Variants in PIP5K1C observed in about 807,000 individuals in gnomAD.
The protein encoded by PIP5K1C is phosphatidylinositol-4-phosphate 5-kinase type 1 gamma, also known as phosphatidylinositol 4-phosphate 5-kinase type-1 gamma.
PIP5K1C carries 45 observed loss-of-function variants against 80.1 expected under a neutral mutation model. That is an observed-to-expected ratio of 0.56 (90% CI 0.44 to 0.72). The LOEUF is 0.72. Among genes scored for constraint, PIP5K1C ranks in the 30% least tolerant of loss-of-function variants. The probability of loss-of-function intolerance (pLI) is 0.00; values close to 1 mark genes in which losing one functional copy is unlikely to be tolerated. For missense variants in PIP5K1C, 753 were observed against 954.6 expected, an observed-to-expected ratio of 0.79 and a Z score of 2.78; for synonymous variants, 498 against 420.1, an observed-to-expected ratio of 1.19 and a Z score of -2.27.
chr19:3,659,278 C>T (rs984686591), intron 5 of PIP5K1C, among the ~76,000 whole-genome samples: 2 of 152,344 alleles, frequency 1.3e-5, no homozygotes, highest in South Asian at 2.1e-4. Flanking sequence ...GCCGCCTGCT[C>T]AGCACCGGAG....
chr19:3,663,922 G>GT (rs1298044198), intron 3 of PIP5K1C, among the ~76,000 whole-genome samples: 2 of 152,134 alleles, frequency 1.3e-5, no homozygotes, highest in Non-Finnish European at 2.9e-5. Flanking sequence ...TCACACACAC[G>GT]TGTCCTCAGC....
intron 5 of PIP5K1C, among the ~76,000 whole-genome samples, chr19:3,658,139 C>T (rs767620115): frequency 1.1e-4 from 17 of 152,242 alleles, no homozygotes; most frequent in Admixed American, 3.3e-4. Flanking sequence ...TCACCACCCC[C>T]GCCCTGCACT....
chr19:3,658,204 A>G (rs1410116239), intron 5 of PIP5K1C, among the ~76,000 whole-genome samples: 1 of 152,226 alleles, frequency 6.6e-6, no homozygotes, highest in Admixed American at 6.5e-5. Flanking sequence ...CACGTCGGTC[A>G]ACACAGGCTG....
At position 3,700,446 on chromosome 19, in the gene PIP5K1C, G is replaced by T; in HGVS notation, c.-56C>A. On this transcript the variant is annotated 5_prime_UTR_variant, in exon 1 of 18. Coordinates refer to ENST00000335312, the MANE Select transcript of PIP5K1C (RefSeq NM_012398.3). ...GAGGGGGACCCGAGCTGCGACCGCC[G>T]CCGCCGAACAACAAGCGCCGCCGGC... 1 of 955,676 alleles carries T rather than the reference G, an allele frequency of 1.0e-6. No homozygotes were observed. The highest frequency in any genetic ancestry group is 1.3e-6 in the Non-Finnish European group (1 of 793,506). The allele number at this position is 955,676 out of a possible 1,614,324, so 59.2% of individuals were successfully genotyped here. A position where few individuals can be genotyped will look rare whatever the true frequency, so the allele number is the denominator to read the frequency against.
Position 3,700,454 on chromosome 19 carries a change from A to C in PIP5K1C, c.-64T>G. ...CCCGAGCTGCGACCGCCGCCGCCGA[A>C]CAACAAGCGCCGCCGGCCAAGGGAG... On this transcript the variant is annotated 5_prime_UTR_variant, in exon 1 of 18. Transcript: ENST00000335312. 11 of 881,112 alleles carry C rather than the reference A, an allele frequency of 1.2e-5. No homozygotes were observed. Among genetic ancestry groups the C allele is most frequent in the Non-Finnish European group, 1.5e-5 (11 of 728,482 alleles). 54.6% of individuals were successfully genotyped at this position (881,112 alleles called of 1,614,324 possible). A position where few individuals can be genotyped will look rare whatever the true frequency, so the allele number is the denominator to read the frequency against.
intron 1 of PIP5K1C, among the ~76,000 whole-genome samples, chr19:3,671,802 C>T (rs966581246): frequency 2.0e-5 from 3 of 152,230 alleles, no homozygotes; most frequent in Non-Finnish European, 2.9e-5. Flanking sequence ...CCATGAGGCC[C>T]GCTCAGGGCA....
chr19:3,681,409 T>G (rs1343847823), intron 1 of PIP5K1C, among the ~76,000 whole-genome samples: 1 of 152,046 alleles, frequency 6.6e-6, no homozygotes, highest in African/African-American at 2.4e-5. Context: ...TTTTTGTATT[T>G]CTAGTAGCGA....
Position 3,692,043 on chromosome 19 carries a change from G to A in PIP5K1C, c.94+8254C>T, listed in dbSNP as rs1166522670. The stretch of plus-strand genomic sequence containing the variant: ...GGCCAGTCCAAGCACCGCACGGGAA[G>A]GGTGCACAGTGGGAGCTGCCCGCTC... On this transcript the variant is annotated intron_variant, in intron 1 of 17. Transcript: ENST00000335312. The surrounding 1 kb of genome is among the most constrained non-coding windows in gnomAD (Gnocchi z 5.2). Among the ~76,000 whole-genome samples, 1 of 152,196 alleles carries A rather than the reference G, an allele frequency of 6.6e-6. No homozygotes were observed. Among genetic ancestry groups the A allele is most frequent in the Non-Finnish European group, 1.5e-5 (1 of 68,028 alleles).
At chr19:3,675,140 A>T (rs2035319293) in intron 1 of PIP5K1C, among the ~76,000 whole-genome samples, 1 of 152,228 alleles carries the variant, frequency 6.6e-6, no homozygotes, top group Admixed American at 6.5e-5. Flanking sequence ...TTTCGGGGTG[A>T]TGGAAATGTA....
chr19:3,645,110 TGTGCAGGCCGGGAAG>T (rs2034155966), intron 11 of PIP5K1C, among the ~76,000 whole-genome samples: 1 of 152,190 alleles, frequency 6.6e-6, no homozygotes, highest in Non-Finnish European at 1.5e-5. Context: ...CGTGAGCAAG[TGTGCAGGCCGGGAAG>T]AGCAGCCTGC....
chr19:3,669,792 T>C (rs930439631), intron 1 of PIP5K1C: 1 of 152,024 alleles, frequency 6.6e-6, no homozygotes, highest in African/African-American at 2.4e-5. Context: ...ATCCAGAGGC[T>C]GCACCCCGGT....
chr19:3,680,407 C>T (rs903879892), intron 1 of PIP5K1C, among the ~76,000 whole-genome samples: 8 of 152,200 alleles, frequency 5.3e-5, no homozygotes, highest in Non-Finnish European at 1.2e-4. Flanking sequence ...CAGGTTCATA[C>T]GATTCTCCCG....
rs977356492 is a variant in PIP5K1C, at chr19:3,637,168, C to T, written c.1920+1716G>A. 5.1e-5 allele frequency: 72 copies of T among 1,418,396 alleles called. No individual in the cohort carries two copies. The highest frequency in any genetic ancestry group is 4.4e-4 in the Admixed American group (15 of 34,062). The allele number at this position is 1,418,396 out of a possible 1,614,324, so 87.9% of individuals were successfully genotyped here. The stretch of plus-strand genomic sequence containing the variant: ...GGGGCCACGGGCAGCCAGGTCTGCA[C>T]GAGTGAGAAGCGTCCACCCAAGACA... On this transcript the variant is annotated intron_variant, in intron 16 of 17. Coordinates refer to ENST00000335312, the MANE Select transcript of PIP5K1C (RefSeq NM_012398.3). This position sits in a 1 kb window ranked among gnomAD's most constrained non-coding sequence, Gnocchi z 7.0.
At chr19:3,650,295 C>G (rs2034389283) in intron 8 of PIP5K1C, among the ~76,000 whole-genome samples, 1 of 152,238 alleles carries the variant, frequency 6.6e-6, no homozygotes, top group Non-Finnish European at 1.5e-5. Flanking sequence ...ATTTCCTCAG[C>G]TGGAAACAGG....
intron 10 of PIP5K1C, among the ~76,000 whole-genome samples, chr19:3,646,852 C>G (rs186624470): frequency 3.5e-4 from 53 of 152,014 alleles, no homozygotes; most frequent in Non-Finnish European, 5.6e-4. Context: ...CGGTACTCTG[C>G]GTTTGTGGAG....
intron 9 of PIP5K1C, 74 bp from the exon 10 acceptor site, chr19:3,647,460 T>C: frequency 7.9e-7 from 1 of 1,262,958 alleles, no homozygotes. Context: ...CAGGGGCCAC[T>C]GTGCACCCCC....
chr19:3,671,828 C>A (rs1438487289), intron 1 of PIP5K1C, among the ~76,000 whole-genome samples: 3 of 152,268 alleles, frequency 2.0e-5, no homozygotes, highest in Non-Finnish European at 4.4e-5. Context: ...CCTGCCGTGA[C>A]CCCCATAGGG....
chr19:3,672,929 G>A (rs2035256357), intron 1 of PIP5K1C, among the ~76,000 whole-genome samples: 1 of 142,804 alleles, frequency 7.0e-6, no homozygotes, highest in Admixed American at 6.9e-5. Flanking sequence ...GCCCTGGAAG[G>A]CCCAGGATGA....
intron 1 of PIP5K1C, among the ~76,000 whole-genome samples, chr19:3,694,530 T>C (rs2036042310): frequency 6.6e-6 from 1 of 152,198 alleles, no homozygotes; most frequent in East Asian, 1.9e-4. Context: ...CCTGGACACC[T>C]GCCCCAACCC....
Sources: gnomAD v4.1 joint callset for allele counts (sites outside exome capture counted in the v4.1 genomes callset) on GRCh38, gnomAD v4.1.1 for gene constraint, Gnocchi (gnomAD v3.1) non-coding constraint, MANE v1.5 for transcripts, NCBI Gene and HGNC (gene_info 2026-07-23, HGNC 2026-07-21) for gene names.